The following TAF8 variants were observed in gnomAD, a reference collection of about 807,000 sequenced individuals.
The protein encoded by TAF8 is transcription initiation factor TFIID subunit 8.
Under a neutral mutation model 36.5 loss-of-function variants are expected in TAF8, and 47 were observed. The observed-to-expected ratio is 1.29, with a 90% CI of 1.02 to 1.64. The LOEUF (loss-of-function observed/expected upper bound fraction) is 1.64. TAF8 is among the 40% of genes most tolerant of loss of function. TAF8 has a pLI of 0.00. For missense variants in TAF8, 420 were observed against 407.6 expected, an observed-to-expected ratio of 1.03 and a Z score of -0.26; for synonymous variants, 175 against 159.5, an observed-to-expected ratio of 1.10 and a Z score of -0.73.
intron 4 of TAF8, 40 bp downstream of exon 4, chr6:42,056,054 T>C: frequency 7.5e-7 from 1 of 1,331,824 alleles, no homozygotes; most frequent in Non-Finnish European, 1.1e-6. Flanking sequence ...AATTTTTCAA[T>C]TAATGCTTGT....
Position 42,077,813 on chromosome 6 carries a change from T to G in TAF8, c.*268T>G, listed in dbSNP as rs1198112802. 1 of 1,215,306 alleles carries G rather than the reference T, an allele frequency of 8.2e-7. No individual in the cohort carries two copies. The highest frequency in any genetic ancestry group is 3.2e-4 in the Middle Eastern group (1 of 3,120). 75.3% of individuals were successfully genotyped at this position (1,215,306 alleles called of 1,614,324 possible). A position where few individuals can be genotyped will look rare whatever the true frequency, so the allele number is the denominator to read the frequency against. Reference sequence around the variant, plus strand: ...CTCTATCACCCAGGCTGGAATGCAGTGGTGTGATCTCAGCTCACTGCAGTC... The same window carrying G: ...CTCTATCACCCAGGCTGGAATGCAGGGGTGTGATCTCAGCTCACTGCAGTC... On this transcript the variant is annotated 3_prime_UTR_variant, in exon 9 of 9. Transcript: ENST00000372977.
Position 42,057,524 on chromosome 6 carries a change from A to C in TAF8, c.489+11A>C, listed in dbSNP as rs1765042709. 1 of 1,614,010 alleles carries C rather than the reference A, an allele frequency of 6.2e-7. No homozygotes were observed. Among genetic ancestry groups the C allele is most frequent in the African/African-American group, 1.3e-5 (1 of 74,920 alleles). On this transcript the variant is annotated intron_variant, in intron 5 of 8. Transcript: ENST00000372977. ...TACATCAAAACTCCGGTGAGTGATG[A>C]AGCACTGGGACTGCGCGTGGTGTAA...
At position 42,054,904 on chromosome 6, in the gene TAF8, C is replaced by T. The variant is rs190568151; in HGVS notation, c.203-627C>T. Among the ~76,000 whole-genome samples, 6 of 149,694 alleles carry T rather than the reference C, an allele frequency of 4.0e-5. No homozygotes were observed. The East Asian group carries it at 1.2e-3, about 30-fold the overall frequency. On this transcript the variant is annotated intron_variant, in intron 2 of 8. Transcript: ENST00000372977. ...ACAGGCGTGAGCCACCACACCTGGC[C>T]TTAGCATAATGTTTTCTTTTTCTTT... is the stretch of plus-strand genomic sequence containing the variant.
intron 5 of TAF8, among the ~76,000 whole-genome samples, chr6:42,065,095 C>T (rs933881809): frequency 1.3e-5 from 2 of 152,094 alleles, no homozygotes; most frequent in African/African-American, 2.4e-5. Context: ...CCTGTAATCC[C>T]AGCACTTTGG....
Position 42,079,942 on chromosome 6 carries a change from CTG to C in TAF8, c.*2399_*2400del, listed in dbSNP as rs1368813675. 2 of 984,828 alleles carry C rather than the reference CTG, an allele frequency of 2.0e-6. No homozygotes were observed. Among genetic ancestry groups the C allele is most frequent in the Non-Finnish European group, 2.4e-6 (2 of 829,900 alleles). 61.0% of individuals were successfully genotyped at this position (984,828 alleles called of 1,614,324 possible). On this transcript the variant is annotated 3_prime_UTR_variant, in exon 9 of 9. Coordinates refer to ENST00000372977, the MANE Select transcript of TAF8 (RefSeq NM_138572.3). ...CAGGCTCCATGTTCTTCTGGCCTCA[CTG>C]TACTGTGTAAGGAAAGAGCTGCTTG...
At position 42,079,975 on chromosome 6, in the gene TAF8, A is replaced by G. The variant is rs1765872420; in HGVS notation, c.*2430A>G. 4 of 980,542 alleles carry G rather than the reference A, an allele frequency of 4.1e-6. No homozygotes were observed. Among genetic ancestry groups the G allele is most frequent in the Non-Finnish European group, 4.8e-6 (4 of 828,766 alleles). 60.7% of individuals were successfully genotyped at this position (980,542 alleles called of 1,614,324 possible). Reference sequence around the variant, plus strand: ...TGTAAGGAAAGAGCTGCTTGTCAGGAACGGAAGAGGGGACGCTAGTAAAAA... The same window carrying G: ...TGTAAGGAAAGAGCTGCTTGTCAGGGACGGAAGAGGGGACGCTAGTAAAAA... On this transcript the variant is annotated 3_prime_UTR_variant, in exon 9 of 9. Coordinates refer to ENST00000372977, the MANE Select transcript of TAF8 (RefSeq NM_138572.3).
rs933264988 is a variant in TAF8 at position 42,080,412 on chromosome 6, G to T, written c.*2867G>T. 6 of 944,430 alleles carry T rather than the reference G, an allele frequency of 6.4e-6. No homozygotes were observed. The East Asian group carries it at 7.1e-4, about 112-fold the overall frequency. The allele number at this position is 944,430 out of a possible 1,614,324, so 58.5% of individuals were successfully genotyped here. A position where few individuals can be genotyped will look rare whatever the true frequency, so the allele number is the denominator to read the frequency against. On this transcript the variant is annotated 3_prime_UTR_variant, in exon 9 of 9. Coordinates refer to ENST00000372977, the MANE Select transcript of TAF8 (RefSeq NM_138572.3). Reference sequence around the variant, plus strand: ...TTTGAGACGGCATCTCACTCTTATCGCCCAGGCTGGAGTGCAATGGCGTGA... The same window carrying T: ...TTTGAGACGGCATCTCACTCTTATCTCCCAGGCTGGAGTGCAATGGCGTGA...
chr6:42,077,428 C>T, intron 8 of TAF8, 105 bp from the exon 9 acceptor site: 1 of 1,562,092 alleles, frequency 6.4e-7, no homozygotes, highest in Non-Finnish European at 8.7e-7. Context: ...GGTTGAGTGT[C>T]CTGCAGTCTA....
At position 42,055,939 on chromosome 6, in the gene TAF8, T is replaced by C; in HGVS notation, c.302-13T>C. 6.2e-7 allele frequency: 1 copy of C among 1,602,142 alleles called. No homozygotes were observed. Among genetic ancestry groups the C allele is most frequent in the African/African-American group, 1.3e-5 (1 of 74,760 alleles). ...GTGGTCTGGGCAGTGATTTTTGTTT[T>C]CCTGTCTCTTAGGTTTCAATGTGGA... On this transcript the variant is annotated splice_polypyrimidine_tract_variant and intron_variant, in intron 3 of 8. Transcript: ENST00000372977.
At chr6:42,072,717 G>T (rs1241407670) in intron 7 of TAF8, among the ~76,000 whole-genome samples, 2 of 151,190 alleles carry the variant, frequency 1.3e-5, no homozygotes, top group African/African-American at 4.9e-5. Flanking sequence ...TAAATAACTG[G>T]TTTTTTTGTT....
chr6:42,052,405 T>C (rs1184709502), intron 2 of TAF8, among the ~76,000 whole-genome samples: 1 of 143,832 alleles, frequency 7.0e-6, no homozygotes, highest in African/African-American at 2.6e-5. Flanking sequence ...CACTGCAGCC[T>C]CCGCCTCCCA....
At position 42,059,211 on chromosome 6, in the gene TAF8, G is replaced by A. The variant is rs546675903; in HGVS notation, c.489+1698G>A. 9.4e-4 allele frequency among the ~76,000 whole-genome samples: 143 copies of A among 151,920 alleles called. 1 individual carries two copies. The highest frequency in any genetic ancestry group is 3.3e-3 in the African/African-American group (136 of 41,422). ...ATCCTGGCCAACATGGTGAAACCCC[G>A]TCTTTACTAAAAATACAAAAAATCA... On this transcript the variant is annotated intron_variant, in intron 5 of 8. Coordinates refer to ENST00000372977, the MANE Select transcript of TAF8 (RefSeq NM_138572.3).
chr6:42,059,267 T>A (rs974610261), intron 5 of TAF8, among the ~76,000 whole-genome samples: 4 of 151,784 alleles, frequency 2.6e-5, no homozygotes, highest in Non-Finnish European at 4.4e-5. Context: ...CCTGTAGTCC[T>A]AGCTACTTGG....
chr6:42,086,007 C>T (rs1016638782), downstream of TAF8, among the ~76,000 whole-genome samples: 6 of 152,112 alleles, frequency 3.9e-5, no homozygotes, highest in South Asian at 1.2e-3. Flanking sequence ...AGAGCTGCCT[C>T]TCCCCTTCCA....
intron 7 of TAF8, chr6:42,071,404 CA>C (rs1765568288): frequency 5.6e-6 from 1 of 178,720 alleles, no homozygotes; most frequent in Admixed American, 6.4e-5. Context: ...TGGCTCACTG[CA>C]ACCTCCGCCT....
intron 5 of TAF8, among the ~76,000 whole-genome samples, chr6:42,058,397 A>C (rs564357543): frequency 6.6e-6 from 1 of 152,266 alleles, no homozygotes; most frequent in East Asian, 1.9e-4. Flanking sequence ...AATAAATAAA[A>C]ATTAGTAATG....
chr6:42,057,423 C>A lies in TAF8; in HGVS notation c.399C>A (p.Ala133=). The A allele has an allele frequency of 6.2e-7, 1 of 1,614,060 alleles. No individual in the cohort carries two copies. ...PVTNQPVTPK[A]LTAGQNRPHP... is the part of the protein sequence containing the mutation. ...CCAATCAGCCAGTGACCCCCAAGGC[C>A]CTCACTGCAGGGCAGAACCGACCCC... Residue 133 remains alanine (A), a synonymous_variant, in exon 5 of 9, where the codon GCC becomes GCA. Coordinates refer to ENST00000372977, the MANE Select transcript of TAF8 (RefSeq NM_138572.3).
At chr6:42,077,370 C>T (rs1234749624) in intron 8 of TAF8, 131 bp downstream of exon 8, 1 of 1,504,312 alleles carries the variant, frequency 6.6e-7, no homozygotes, top group African/African-American at 1.4e-5. Context: ...AATAGTCTCC[C>T]TTTTCCTGTC....
rs35029417 is a variant in TAF8, at chr6:42,079,715, A to ATT, written c.*2187_*2188dup. On this transcript the variant is annotated 3_prime_UTR_variant, in exon 9 of 9. Coordinates refer to ENST00000372977, the MANE Select transcript of TAF8 (RefSeq NM_138572.3). ...AGATGCCCGCCACCACATCTGGCTA[A>ATT]TTTTTTTTTTTTTTTTTTAGTAGAC... The ATT allele has an allele frequency of 0.014, 6,236 of 431,534 alleles. 1 individual carries two copies. Among genetic ancestry groups the ATT allele is most frequent in the Non-Finnish European group, 0.017 (5,774 of 331,418 alleles). 26.7% of individuals were successfully genotyped at this position (431,534 alleles called of 1,614,324 possible).
Sources: allele counts gnomAD v4.1 joint callset (sites outside exome capture counted in the v4.1 genomes callset), GRCh38; gene constraint gnomAD v4.1.1; transcripts MANE v1.5; gene names NCBI Gene and HGNC (gene_info 2026-07-23, HGNC 2026-07-21).